Variants in AP3B1 observed in about 807,000 individuals in gnomAD.
The protein encoded by AP3B1 is AP-3 complex subunit beta-1.
AP3B1 carries 61 observed loss-of-function variants against 132.5 expected under a neutral mutation model. The ratio of observed to expected loss-of-function variants is 0.46; its 90% CI spans 0.37 to 0.57. The LOEUF is 0.57. Ranked by LOEUF, AP3B1 falls within the 20% of genes least tolerant of loss-of-function variation. AP3B1 has a pLI of 0.00. For synonymous variants in AP3B1, 388 were observed against 438.3 expected (o/e 0.89, Z 1.43); for missense variants, 1,120 against 1,289.4 (o/e 0.87, Z 2.01).
chr5:78,039,470 CTG>C (rs1194512400), intron 22 of AP3B1, among the ~76,000 whole-genome samples, 196 bp from the exon 23 acceptor site: 1 of 152,078 alleles, frequency 6.6e-6, no homozygotes, highest in African/African-American at 2.4e-5. Context: ...GCCCTCAAAA[CTG>C]TATGAAAATT....
intron 22 of AP3B1, among the ~76,000 whole-genome samples, chr5:78,048,491 G>C (rs534623528): frequency 1.3e-5 from 2 of 152,174 alleles, no homozygotes; most frequent in African/African-American, 4.8e-5. Context: ...ATGGACATTT[G>C]GCCCAATGAG....
chr5:78,157,758 C>CG (rs1743211041), intron 13 of AP3B1, among the ~76,000 whole-genome samples: 1 of 151,008 alleles, frequency 6.6e-6, no homozygotes, highest in Non-Finnish European at 1.5e-5. Context: ...TCCTATTACT[C>CG]TTTTTTTTTG....
intron 22 of AP3B1, among the ~76,000 whole-genome samples, chr5:78,085,452 T>C (rs1320318059): frequency 6.6e-6 from 1 of 152,150 alleles, no homozygotes; most frequent in African/African-American, 2.4e-5. Flanking sequence ...TCAATGATAT[T>C]TTTCATAAAC....
intron 24 of AP3B1, among the ~76,000 whole-genome samples, chr5:78,030,531 T>G (rs10474528): frequency 0.017 from 2,609 of 152,296 alleles, 30 homozygotes; most frequent in Middle Eastern, 0.024. Flanking sequence ...GTAAACTGCT[T>G]TTTTCTCTGC....
chr5:78,183,624 C>G (rs572177670), intron 7 of AP3B1, among the ~76,000 whole-genome samples: 8 of 152,240 alleles, frequency 5.3e-5, no homozygotes, highest in African/African-American at 1.7e-4. Flanking sequence ...CATCCCAGCA[C>G]TCTGGGAGGC....
At chr5:78,240,983 A>T in intron 2 of AP3B1, 47 bp from the exon 3 acceptor site, 1 of 1,320,476 alleles carries the variant, frequency 7.6e-7, no homozygotes, top group Non-Finnish European at 1.1e-6. Context: ...TATATATATT[A>T]AATATTTAGA....
At chr5:78,234,405 C>T (rs1021639384) in intron 3 of AP3B1, among the ~76,000 whole-genome samples, 1 of 152,136 alleles carries the variant, frequency 6.6e-6, no homozygotes, top group Admixed American at 6.6e-5. Context: ...ATAAGTTTTT[C>T]AAATTCTTAG....
chr5:78,294,505 G>A lies in AP3B1; in HGVS notation c.75C>T (p.Thr25=), dbSNP rs1219750363. The change falls in exon 1 of 27, where the codon ACC becomes ACT. Residue 25 remains threonine, a synonymous_variant. Coordinates refer to ENST00000255194, the MANE Select transcript of AP3B1 (RefSeq NM_003664.5). The part of the protein sequence containing the change: ...GEATELGQEA[T]STISPSGAFG... Reference sequence around the variant, plus strand: ...AGGCCCCCGAGGGGGAAATGGTTGAGGTCGCCTCCTGACCCAGCTCCGTCG... The same window carrying A: ...AGGCCCCCGAGGGGGAAATGGTTGAAGTCGCCTCCTGACCCAGCTCCGTCG... 1 of 1,614,134 alleles carries A rather than the reference G, an allele frequency of 6.2e-7. No individual in the cohort carries two copies. The highest frequency in any genetic ancestry group is 8.5e-7 in the Non-Finnish European group (1 of 1,180,058).
At chr5:78,166,257 G>C (rs1580432589) in intron 11 of AP3B1, among the ~76,000 whole-genome samples, 1 of 151,742 alleles carries the variant, frequency 6.6e-6, no homozygotes, top group Non-Finnish European at 1.5e-5. Flanking sequence ...ACAGATATTA[G>C]ACAATTACTA....
intron 7 of AP3B1, among the ~76,000 whole-genome samples, chr5:78,203,546 C>T (rs1430502589): frequency 2.0e-5 from 3 of 152,136 alleles, no homozygotes; most frequent in Non-Finnish European, 4.4e-5. Context: ...AGACCCAAAC[C>T]ATATCATGTG....
At chr5:78,205,958 G>A (rs569800039) in intron 7 of AP3B1, among the ~76,000 whole-genome samples, 31 of 151,996 alleles carry the variant, frequency 2.0e-4, no homozygotes, top group African/African-American at 7.5e-4. Context: ...AGAAAAATTG[G>A]TGTTTCTGAA....
intron 3 of AP3B1, among the ~76,000 whole-genome samples, chr5:78,234,237 T>C (rs1746779165): frequency 6.6e-6 from 1 of 152,146 alleles, no homozygotes; most frequent in South Asian, 2.1e-4. Context: ...ACCTTCAGAA[T>C]TTTTCAAACC....
intron 13 of AP3B1, among the ~76,000 whole-genome samples, chr5:78,156,874 C>T (rs1743171183): frequency 2.0e-5 from 3 of 152,092 alleles, no homozygotes; most frequent in Admixed American, 2.0e-4. Flanking sequence ...AAAGAAGTCA[C>T]TGTAGAAATA....
chr5:78,278,407 G>A (rs1002025076), intron 1 of AP3B1, among the ~76,000 whole-genome samples: 4 of 137,802 alleles, frequency 2.9e-5, no homozygotes, highest in African/African-American at 7.5e-5. Flanking sequence ...AGACCATCCC[G>A]GCTAAAACGG....
chr5:78,201,972 C>T (rs772845912), intron 7 of AP3B1, among the ~76,000 whole-genome samples: 3 of 152,116 alleles, frequency 2.0e-5, no homozygotes, highest in Non-Finnish European at 4.4e-5. Flanking sequence ...TTTGGCTGTG[C>T]CCCCACCCAA....
chr5:78,071,451 C>G (rs1048739579), intron 22 of AP3B1, among the ~76,000 whole-genome samples: 10 of 152,106 alleles, frequency 6.6e-5, no homozygotes, highest in African/African-American at 1.9e-4. Context: ...ATAGCTAATG[C>G]ATGCTGGGCT....
chr5:78,073,960 T>C (rs1001295425), intron 22 of AP3B1, among the ~76,000 whole-genome samples: 1 of 152,120 alleles, frequency 6.6e-6, no homozygotes, highest in Non-Finnish European at 1.5e-5. Flanking sequence ...GTGACCTGGG[T>C]TTTTTGCCAC....
intron 11 of AP3B1, among the ~76,000 whole-genome samples, chr5:78,172,843 C>T (rs56282238): frequency 0.29 from 43,452 of 152,036 alleles, 6,577 homozygotes; most frequent in Admixed American, 0.39. Flanking sequence ...GTTCTTTTAA[C>T]TGTGATGTTA....
At chr5:78,096,615 G>A (rs745493466) in intron 21 of AP3B1, among the ~76,000 whole-genome samples, 65 of 148,860 alleles carry the variant, frequency 4.4e-4, no homozygotes, top group Non-Finnish European at 7.9e-4. Context: ...GAGCGCCTTT[G>A]CCCCGCCGCC....
Sources: allele counts gnomAD v4.1 joint callset (sites outside exome capture counted in the v4.1 genomes callset), GRCh38; gene constraint gnomAD v4.1.1; transcripts MANE v1.5; gene names NCBI Gene and HGNC (gene_info 2026-07-23, HGNC 2026-07-21).